The following TARS3 variants were observed in gnomAD, a reference collection of about 807,000 sequenced individuals.
TARS3 encodes threonine--tRNA ligase 2, cytoplasmic.
A neutral mutation model predicts 103.5 loss-of-function variants in TARS3; 94 were observed. The ratio of observed to expected loss-of-function variants is 0.91; its 90% CI spans 0.77 to 1.08. The LOEUF (loss-of-function observed/expected upper bound fraction) is 1.08. Among genes scored for constraint, TARS3 ranks in the 50% least tolerant of loss-of-function variants. The probability of loss-of-function intolerance (pLI) is 0.00; values close to 1 mark genes in which losing one functional copy is unlikely to be tolerated. For synonymous variants in TARS3, 416 were observed against 355.4 expected (o/e 1.17, Z -1.92); for missense variants, 952 against 995.2 (o/e 0.96, Z 0.58).
At chr15:101,722,539 G>T (rs1355945815) in intron 2 of TARS3, among the ~76,000 whole-genome samples, 1 of 148,910 alleles carries the variant, frequency 6.7e-6, no homozygotes, top group African/African-American at 2.5e-5. Flanking sequence ...GGGGGCGGTG[G>T]CTCACGCCTG....
At chr15:101,716,646 C>T (rs1214764930) in intron 3 of TARS3, among the ~76,000 whole-genome samples, 4 of 152,064 alleles carry the variant, frequency 2.6e-5, no homozygotes, top group Non-Finnish European at 5.9e-5. Flanking sequence ...AACAATGCTG[C>T]AATGAACATT....
At chr15:101,699,879 A>G (rs936025129) in intron 10 of TARS3, among the ~76,000 whole-genome samples, 3 of 152,234 alleles carry the variant, frequency 2.0e-5, no homozygotes, top group Non-Finnish European at 4.4e-5. Context: ...AGAATTAAAG[A>G]TAAGCAACGA....
In TARS3 at chr15:101,701,198, A is replaced by C; in HGVS notation, c.1222-14T>G. 6.5e-7 allele frequency: 1 copy of C among 1,545,858 alleles called. No homozygotes were observed. The highest frequency in any genetic ancestry group is 2.3e-5 in the East Asian group (1 of 44,432). On this transcript the variant is annotated splice_polypyrimidine_tract_variant and intron_variant, in intron 9 of 18. Transcript: ENST00000335968. ...AAGTTCTTGTTCCTAGATTGAAACAAAAATTGCATTTCAAATGTCATCTGC... is the reference window on the plus strand; with the variant it reads ...AAGTTCTTGTTCCTAGATTGAAACACAAATTGCATTTCAAATGTCATCTGC...
intron 3 of TARS3, among the ~76,000 whole-genome samples, chr15:101,719,360 TC>T (rs929510817): frequency 5.9e-5 from 9 of 152,150 alleles, no homozygotes; most frequent in African/African-American, 1.7e-4. Context: ...CACTCAGAAA[TC>T]CCAGGCTTTG....
chr15:101,698,683 A>G (rs2141425185), intron 10 of TARS3, among the ~76,000 whole-genome samples: 1 of 152,350 alleles, frequency 6.6e-6, no homozygotes, highest in East Asian at 1.9e-4. Context: ...TTGAGTTTTT[A>G]GTTCACAGGT....
At chr15:101,719,059 T>A (rs1010831980) in intron 3 of TARS3, among the ~76,000 whole-genome samples, 1 of 152,106 alleles carries the variant, frequency 6.6e-6, no homozygotes, top group African/African-American at 2.4e-5. Flanking sequence ...TCAGGGCCCA[T>A]GGAGGATCAT....
At chr15:101,659,117 C>T (rs1245167574) in intron 16 of TARS3, among the ~76,000 whole-genome samples, 1 of 152,106 alleles carries the variant, frequency 6.6e-6, no homozygotes, top group Admixed American at 6.5e-5. Flanking sequence ...GAACAACATG[C>T]GAACCTACAA....
At chr15:101,703,621 T>C (rs1010484712) in intron 8 of TARS3, among the ~76,000 whole-genome samples, 32 of 151,904 alleles carry the variant, frequency 2.1e-4, no homozygotes, top group Non-Finnish European at 4.1e-4. Context: ...AAATATCGTA[T>C]GAAAAAGAAA....
At chr15:101,674,232 G>A (rs542931241) in intron 13 of TARS3, among the ~76,000 whole-genome samples, 8 of 152,262 alleles carry the variant, frequency 5.3e-5, no homozygotes, top group African/African-American at 1.9e-4. Flanking sequence ...CTTATGTTCA[G>A]TCACCCTTAT....
intron 3 of TARS3, among the ~76,000 whole-genome samples, 186 bp from the exon 4 acceptor site, chr15:101,715,149 GT>G (rs199577249): frequency 0.016 from 2,192 of 139,866 alleles, 41 homozygotes; most frequent in East Asian, 0.12. Flanking sequence ...TACATTCACT[GT>G]TTTTTTTTTT....
At chr15:101,721,604 C>T (rs1464690320) in intron 2 of TARS3, among the ~76,000 whole-genome samples, 2 of 152,180 alleles carry the variant, frequency 1.3e-5, no homozygotes, top group African/African-American at 4.8e-5. Flanking sequence ...AAGCGATTTT[C>T]CTGCCTCGGC....
chr15:101,715,817 T>A (rs1480364590), intron 3 of TARS3, among the ~76,000 whole-genome samples: 1 of 152,176 alleles, frequency 6.6e-6, no homozygotes, highest in African/African-American at 2.4e-5. Context: ...TGGGAATACA[T>A]CCACAGAATT....
chr15:101,656,817 A>G, intron 18 of TARS3, 105 bp downstream of exon 18: 1 of 708,030 alleles, frequency 1.4e-6, no homozygotes, highest in South Asian at 1.9e-5. Flanking sequence ...TATTAAATAG[A>G]CAAATCATGA....
At chr15:101,715,041 G>GC in intron 3 of TARS3, 78 bp from the exon 4 acceptor site, 1 of 1,397,226 alleles carries the variant, frequency 7.2e-7, no homozygotes, top group Non-Finnish European at 9.5e-7. Flanking sequence ...AGAATTTCTA[G>GC]GGTTTTTTTT....
rs1032444288 is a variant in TARS3 at position 101,657,984 on chromosome 15, A to G, written c.2073-127T>C. The G allele has an allele frequency of 7.1e-6, 4 of 563,064 alleles. No homozygotes were observed. In the East Asian group the frequency reaches 1.3e-4, roughly 18 times the overall value. 34.9% of individuals were successfully genotyped at this position (563,064 alleles called of 1,614,324 possible). On this transcript the variant is annotated intron_variant, in intron 16 of 18. Transcript: ENST00000335968. Reference sequence around the variant, plus strand: ...GGCAGTTTCAGTAGCGCAGCATGGAAGAAAACTAAATTATATTAAAGTTTG... The same window carrying G: ...GGCAGTTTCAGTAGCGCAGCATGGAGGAAAACTAAATTATATTAAAGTTTG...
intron 12 of TARS3, among the ~76,000 whole-genome samples, chr15:101,681,432 G>C (rs898146993): frequency 2.0e-5 from 3 of 152,076 alleles, no homozygotes; most frequent in African/African-American, 7.2e-5. Flanking sequence ...ATTTATTTAG[G>C]CCTTCTTTAA....
At chr15:101,671,642 T>A in intron 14 of TARS3, 29 bp downstream of exon 14, 2 of 1,612,598 alleles carry the variant, frequency 1.2e-6, no homozygotes, top group Non-Finnish European at 1.7e-6. Flanking sequence ...TTTTACATTT[T>A]GCTGTTTTGA....
At position 101,708,925 on chromosome 15, in the gene TARS3, A is replaced by G. The variant is rs747928854; in HGVS notation, c.813-15T>C. 6.0e-6 allele frequency: 9 copies of G among 1,499,074 alleles called. No individual in the cohort carries two copies. The South Asian group carries it at 1.1e-4, about 19-fold the overall frequency. 92.9% of individuals were successfully genotyped at this position (1,499,074 alleles called of 1,614,324 possible). A position where few individuals can be genotyped will look rare whatever the true frequency, so the allele number is the denominator to read the frequency against. Reference sequence around the variant, plus strand: ...TGGACACTGCTCTAAAAAGAAGAGCAGAGAACCGACATCCATCTTCCAGAC... The same window carrying G: ...TGGACACTGCTCTAAAAAGAAGAGCGGAGAACCGACATCCATCTTCCAGAC... On this transcript the variant is annotated splice_polypyrimidine_tract_variant and intron_variant, in intron 5 of 18. Coordinates refer to ENST00000335968, the MANE Select transcript of TARS3 (RefSeq NM_152334.3).
At chr15:101,668,749 C>T (rs572439444) in intron 15 of TARS3, among the ~76,000 whole-genome samples, 6 of 152,278 alleles carry the variant, frequency 3.9e-5, no homozygotes, top group Admixed American at 1.3e-4. Flanking sequence ...CAACAGAGCA[C>T]ATACATGACA....
Sources: allele counts gnomAD v4.1 joint callset (sites outside exome capture counted in the v4.1 genomes callset), GRCh38; gene constraint gnomAD v4.1.1; transcripts MANE v1.5; gene names NCBI Gene and HGNC (gene_info 2026-07-23, HGNC 2026-07-21).